Variants in KAT7 observed in about 807,000 individuals in gnomAD.
KAT7 encodes the protein histone acetyltransferase KAT7.
KAT7 carries 10 observed loss-of-function variants against 82.1 expected under a neutral mutation model. The ratio of observed to expected loss-of-function variants is 0.12; its 90% CI spans 0.08 to 0.21. The LOEUF is 0.21. KAT7 is among the 10% of genes least tolerant of loss of function. The pLI is 1.00. For missense variants in KAT7, 378 were observed against 760.9 expected, an observed-to-expected ratio of 0.50 and a Z score of 5.92; for synonymous variants, 250 against 262.5, an observed-to-expected ratio of 0.95 and a Z score of 0.46.
chr17:49,808,698 C>A (rs181187291), intron 5 of KAT7, among the ~76,000 whole-genome samples: 1 of 152,180 alleles, frequency 6.6e-6, no homozygotes, highest in Non-Finnish European at 1.5e-5. Flanking sequence ...CTAATCTGCC[C>A]GCCTCAGCCT....
intron 8 of KAT7, 36 bp downstream of exon 8, chr17:49,815,949 T>C: frequency 1.6e-6 from 2 of 1,256,668 alleles, no homozygotes; most frequent in East Asian, 4.6e-5. Flanking sequence ...AGGCCGCTTG[T>C]GAAAGGTGCT....
chr17:49,808,810 C>T (rs914747030), intron 5 of KAT7, among the ~76,000 whole-genome samples: 8 of 152,186 alleles, frequency 5.3e-5, no homozygotes, highest in Non-Finnish European at 1.5e-5. Flanking sequence ...TGCACTTCCT[C>T]ATGCTTTTTT....
Position 49,796,904 on chromosome 17 carries a change from A to T in KAT7, c.318A>T (p.Gln106His). The change falls in exon 3 of 15, where the codon CAA becomes CAT. Residue 106 changes from glutamine to histidine, a missense_variant. Transcript: ENST00000259021. ...GTTCATCTGGTTCAGAAACTGAGCA[A>T]GTGGTTGATTTTTCAGATAGAGGTG... ...QTRSSGSETE[Q>H]VVDFSDRETK... 1 of 1,614,122 alleles carries T rather than the reference A, an allele frequency of 6.2e-7. No individual in the cohort carries two copies.
chr17:49,811,905 A>G (rs1381322812), intron 7 of KAT7, among the ~76,000 whole-genome samples: 1 of 152,228 alleles, frequency 6.6e-6, no homozygotes, highest in Non-Finnish European at 1.5e-5. Flanking sequence ...GTCTGTATGA[A>G]GAAAAATATT....
intron 9 of KAT7, 74 bp downstream of exon 9, chr17:49,818,085 G>A (rs1201038003): frequency 1.9e-5 from 23 of 1,219,058 alleles, no homozygotes; most frequent in South Asian, 1.5e-4. Flanking sequence ...TTGCCATAGC[G>A]ATGGCATCTG....
rs564516865 is a variant in KAT7, at chr17:49,830,895, G to A, written c.*3393G>A. On this transcript the variant is annotated 3_prime_UTR_variant, in exon 15 of 15. Transcript: ENST00000259021. ...TTACAAGGATAATAATGAAACTGGT[G>A]AAAACTTTCAGGCAAAAGGATTTTC... 4 of 152,236 alleles carry A rather than the reference G, an allele frequency of 2.6e-5. No individual in the cohort carries two copies. Among genetic ancestry groups the A allele is most frequent in the East Asian group, 3.9e-4 (2 of 5,182 alleles). 9.4% of individuals were successfully genotyped at this position (152,236 alleles called of 1,614,324 possible). A position where few individuals can be genotyped will look rare whatever the true frequency, so the allele number is the denominator to read the frequency against.
chr17:49,820,715 C>G (rs1422066447), intron 9 of KAT7, among the ~76,000 whole-genome samples: 1 of 149,924 alleles, frequency 6.7e-6, no homozygotes, highest in African/African-American at 2.5e-5. Flanking sequence ...CCAAGTGACC[C>G]TAGCTTCCTG....
chr17:49,814,901 A>G (rs2074214967), intron 7 of KAT7: 1 of 152,314 alleles, frequency 6.6e-6, no homozygotes, highest in East Asian at 1.9e-4. Flanking sequence ...TGTGAAATCT[A>G]TAATGTTTTC....
At position 49,829,371 on chromosome 17, in the gene KAT7, A is replaced by G. The variant is rs1411583074; in HGVS notation, c.*1869A>G. The G allele has an allele frequency of 6.6e-6, 1 of 152,176 alleles. No homozygotes were observed. The highest frequency in any genetic ancestry group is 2.1e-4 in the South Asian group (1 of 4,830). 9.4% of individuals were successfully genotyped at this position (152,176 alleles called of 1,614,324 possible). A position where few individuals can be genotyped will look rare whatever the true frequency, so the allele number is the denominator to read the frequency against. On this transcript the variant is annotated 3_prime_UTR_variant, in exon 15 of 15. Coordinates refer to ENST00000259021, the MANE Select transcript of KAT7 (RefSeq NM_007067.5). ...TAGCAATGATTAGTCAGTATTACCC[A>G]TTCTTTCACTAAGTGCCATTTTCCA...
chr17:49,803,526 A>G (rs530403981), intron 4 of KAT7, among the ~76,000 whole-genome samples: 2 of 151,388 alleles, frequency 1.3e-5, no homozygotes, highest in East Asian at 1.9e-4. Flanking sequence ...CCGGGTTCAC[A>G]CCATTCTCCT....
chr17:49,812,051 G>T (rs777722572), intron 7 of KAT7, among the ~76,000 whole-genome samples: 3 of 152,034 alleles, frequency 2.0e-5, no homozygotes, highest in Non-Finnish European at 4.4e-5. Context: ...TAGAAGTAAT[G>T]TACATTTGTA....
At chr17:49,813,677 A>G (rs535986874) in intron 7 of KAT7, among the ~76,000 whole-genome samples, 3 of 152,330 alleles carry the variant, frequency 2.0e-5, no homozygotes, top group Non-Finnish European at 2.9e-5. Flanking sequence ...AGCTATTTAC[A>G]TGGCATTGAC....
At chr17:49,825,694 A>G (rs1028122302) in intron 12 of KAT7, among the ~76,000 whole-genome samples, 1 of 152,246 alleles carries the variant, frequency 6.6e-6, no homozygotes. Context: ...TGTTGATAGG[A>G]AAATACATAG....
rs542279486 is a variant in KAT7, at chr17:49,807,261, A to G, written c.663+1816A>G. ...AAAAAAAGACGAATGATATAGAGAG[A>G]GTCTGTTTCGGGGGTGAGGGTAGGG... On this transcript the variant is annotated intron_variant, in intron 5 of 14. Transcript: ENST00000259021. Among the ~76,000 whole-genome samples the G allele has an allele frequency of 2.0e-4, 31 of 152,288 alleles. No individual in the cohort carries two copies. The East Asian group carries it at 5.6e-3, about 27-fold the overall frequency.
chr17:49,825,403 C>T (rs2074356720), intron 12 of KAT7, among the ~76,000 whole-genome samples: 1 of 152,168 alleles, frequency 6.6e-6, no homozygotes, highest in Admixed American at 6.5e-5. Context: ...TTCCAACACA[C>T]ACCTACAGAG....
At chr17:49,821,571 T>C in intron 10 of KAT7, 79 bp from the exon 11 acceptor site, 1 of 1,538,894 alleles carries the variant, frequency 6.5e-7, no homozygotes, top group South Asian at 1.1e-5. Flanking sequence ...TTAATAATTA[T>C]GGTATGTTTG....
intron 9 of KAT7, among the ~76,000 whole-genome samples, chr17:49,818,439 A>G (rs1368516421): frequency 1.3e-5 from 2 of 152,224 alleles, no homozygotes; most frequent in Non-Finnish European, 2.9e-5. Context: ...CAAGAAGTAT[A>G]TGTTGAATGG....
intron 12 of KAT7, 119 bp from the exon 13 acceptor site, chr17:49,825,881 C>G (rs1398169550): frequency 9.8e-7 from 1 of 1,015,352 alleles, no homozygotes; most frequent in East Asian, 2.4e-5. Context: ...CATTGAATGA[C>G]TAAATCCTAA....
At chr17:49,816,326 C>G (rs1770625724) in intron 8 of KAT7, among the ~76,000 whole-genome samples, 1 of 152,188 alleles carries the variant, frequency 6.6e-6, no homozygotes, top group African/African-American at 2.4e-5. Context: ...ATGAAAATAA[C>G]AGTGAAGAGG....
Sources: gnomAD v4.1 joint callset for allele counts (sites outside exome capture counted in the v4.1 genomes callset) on GRCh38, gnomAD v4.1.1 for gene constraint, MANE v1.5 for transcripts, NCBI Gene and HGNC (gene_info 2026-07-23, HGNC 2026-07-21) for gene names.